PDE4D: variants seen among roughly 807,000 people sequenced by gnomAD.
The protein encoded by PDE4D is phosphodiesterase 4D, also known as 3',5'-cyclic-AMP phosphodiesterase 4D.
In PDE4D, 24 loss-of-function variants were observed where a neutral mutation model predicts 87.4. The observed-to-expected ratio is 0.27, with a 90% CI of 0.20 to 0.39. The LOEUF (loss-of-function observed/expected upper bound fraction) is 0.39. Among genes scored for constraint, PDE4D ranks in the 10% least tolerant of loss-of-function variants. The probability of loss-of-function intolerance (pLI) is 1.00; values close to 1 mark genes in which losing one functional copy is unlikely to be tolerated. For synonymous variants in PDE4D, 384 were observed against 383.2 expected, an observed-to-expected ratio of 1.00 and a Z score of -0.02; for missense variants, 714 against 1,041.0, an observed-to-expected ratio of 0.69 and a Z score of 4.32.
At chr5:60,422,575 A>C (rs1743225590) in intron 1 of PDE4D, among the ~76,000 whole-genome samples, 1 of 152,254 alleles carries the variant, frequency 6.6e-6, no homozygotes, top group Non-Finnish European at 1.5e-5. Context: ...AACTGGTACC[A>C]GCCACTGCAA....
At chr5:59,265,072 G>T (rs780567430) in intron 1 of PDE4D, among the ~76,000 whole-genome samples, 1 of 152,000 alleles carries the variant, frequency 6.6e-6, no homozygotes, top group East Asian at 1.9e-4. Context: ...GACTAGAAGA[G>T]TAAGGGATTT....
At chr5:60,217,954 G>A (rs1744055350) in intron 1 of PDE4D, among the ~76,000 whole-genome samples, 1 of 151,924 alleles carries the variant, frequency 6.6e-6, no homozygotes, top group Admixed American at 6.6e-5. Flanking sequence ...GGTAGAAATA[G>A]AAGTTAGTAC....
intron 1 of PDE4D, among the ~76,000 whole-genome samples, chr5:59,822,740 T>C (rs1397614691): frequency 6.6e-6 from 1 of 152,306 alleles, no homozygotes; most frequent in African/African-American, 2.4e-5. Flanking sequence ...CCAATCCAGC[T>C]TTATACGTGG....
chr5:59,244,370 C>G (rs912761766), intron 1 of PDE4D, among the ~76,000 whole-genome samples: 4 of 151,606 alleles, frequency 2.6e-5, no homozygotes, highest in Admixed American at 1.3e-4. Flanking sequence ...TGCACTCCAG[C>G]CTGGGCGATA....
intron 1 of PDE4D, among the ~76,000 whole-genome samples, chr5:59,618,374 C>T (rs1484972855): frequency 1.3e-5 from 2 of 152,000 alleles, no homozygotes; most frequent in Non-Finnish European, 2.9e-5. Context: ...GAAACAAAGG[C>T]TCAGAGACAA....
intron 1 of PDE4D, among the ~76,000 whole-genome samples, chr5:59,332,958 A>G (rs959901790): frequency 5.9e-5 from 9 of 152,232 alleles, no homozygotes; most frequent in African/African-American, 2.2e-4. Flanking sequence ...TGGTGATAAC[A>G]TCATGCAACA....
chr5:60,397,900 T>A (rs1762991402), intron 1 of PDE4D, among the ~76,000 whole-genome samples: 1 of 152,194 alleles, frequency 6.6e-6, no homozygotes, highest in South Asian at 2.1e-4. Context: ...CTTACCCTAA[T>A]CAATTTGTTC....
intron 2 of PDE4D, among the ~76,000 whole-genome samples, chr5:60,053,054 G>A (rs906253170): frequency 2.0e-5 from 3 of 152,082 alleles, no homozygotes; most frequent in African/African-American, 7.2e-5. Context: ...AAAAACAAAT[G>A]GAAAAACATT....
intron 1 of PDE4D, among the ~76,000 whole-genome samples, chr5:60,383,769 C>T (rs574349678): frequency 3.3e-5 from 5 of 152,254 alleles, no homozygotes; most frequent in African/African-American, 1.2e-4. Flanking sequence ...ATTTCTAACG[C>T]TAAAATGTGC....
At chr5:59,638,214 C>T (rs1325276864) in intron 1 of PDE4D, among the ~76,000 whole-genome samples, 1 of 152,046 alleles carries the variant, frequency 6.6e-6, no homozygotes, top group Non-Finnish European at 1.5e-5. Flanking sequence ...TTTACTGAGG[C>T]AATGGGTTAT....
chr5:59,383,982 G>A (rs1786440782), intron 1 of PDE4D, among the ~76,000 whole-genome samples: 1 of 152,120 alleles, frequency 6.6e-6, no homozygotes, highest in African/African-American at 2.4e-5. Flanking sequence ...TCAACTTCCT[G>A]GACTCAAGCA....
chr5:59,253,157 A>G (rs559852843), intron 1 of PDE4D, among the ~76,000 whole-genome samples: 35 of 152,240 alleles, frequency 2.3e-4, no homozygotes, highest in Non-Finnish European at 4.1e-4. Flanking sequence ...CTCTGTTGAC[A>G]TTTGGAAAAA....
At chr5:59,974,259 AATT>A (rs1283693346) in intron 3 of PDE4D, among the ~76,000 whole-genome samples, 1 of 152,232 alleles carries the variant, frequency 6.6e-6, no homozygotes, top group Non-Finnish European at 1.5e-5. Flanking sequence ...TGTTTAATTC[AATT>A]ATTATTTCTA....
At chr5:59,303,106 TTG>T (rs1770593923) in intron 1 of PDE4D, among the ~76,000 whole-genome samples, 1 of 152,156 alleles carries the variant, frequency 6.6e-6, no homozygotes, top group South Asian at 2.1e-4. Context: ...GTATCACATT[TTG>T]TGTTTTTGAT....
intron 1 of PDE4D, among the ~76,000 whole-genome samples, chr5:59,503,368 C>T (rs1808668477): frequency 6.6e-6 from 1 of 152,188 alleles, no homozygotes; most frequent in African/African-American, 2.4e-5. Flanking sequence ...CAGCTTTATT[C>T]AATGGAAGTG....
chr5:59,238,943 G>A (rs925084177), intron 1 of PDE4D, among the ~76,000 whole-genome samples: 3 of 152,180 alleles, frequency 2.0e-5, no homozygotes, highest in African/African-American at 7.2e-5. Context: ...TAGAGACAAC[G>A]TTAAGATGAT....
intron 1 of PDE4D, among the ~76,000 whole-genome samples, chr5:59,561,959 G>A (rs892003659): frequency 1.3e-5 from 2 of 151,374 alleles, no homozygotes; most frequent in East Asian, 3.9e-4. Context: ...TAAATAAAAT[G>A]TAGATTAACT....
intron 2 of PDE4D, among the ~76,000 whole-genome samples, chr5:60,037,188 T>A (rs964385135): frequency 6.6e-6 from 1 of 152,190 alleles, no homozygotes; most frequent in Non-Finnish European, 1.5e-5. Context: ...AGTAAGCCAT[T>A]ATATAATCTT....
chr5:59,866,224 CT>C, intron 1 of PDE4D, among the ~76,000 whole-genome samples: 1 of 152,190 alleles, frequency 6.6e-6, no homozygotes, highest in African/African-American at 2.4e-5. Context: ...ATACATACTT[CT>C]TTTTTTGTTT....
Sources: allele counts gnomAD v4.1 joint callset (sites outside exome capture counted in the v4.1 genomes callset), GRCh38; gene constraint gnomAD v4.1.1; transcripts MANE v1.5; gene names NCBI Gene and HGNC (gene_info 2026-07-23, HGNC 2026-07-21).